The following DISP1 variants were observed in gnomAD, a reference collection of about 807,000 sequenced individuals.
DISP1 encodes the protein protein dispatched homolog 1.
DISP1 carries 30 observed loss-of-function variants against 37.3 expected under a neutral mutation model. The observed-to-expected ratio is 0.80, with a 90% CI of 0.60 to 1.09. The LOEUF (loss-of-function observed/expected upper bound fraction) is 1.09. Ranked by LOEUF, DISP1 falls within the 50% of genes least tolerant of loss-of-function variation. The pLI is 0.00. For synonymous variants in DISP1, 634 were observed against 690.2 expected (o/e 0.92, Z 1.28); for missense variants, 1,598 against 1,879.5 (o/e 0.85, Z 2.77).
intron 1 of DISP1, among the ~76,000 whole-genome samples, chr1:222,829,021 A>G (rs1166009834): frequency 6.6e-6 from 1 of 152,208 alleles, no homozygotes; most frequent in Non-Finnish European, 1.5e-5. Flanking sequence ...CTAGAAACTG[A>G]TGAAACTCTT....
intron 2 of DISP1, among the ~76,000 whole-genome samples, chr1:222,936,835 ATATATATCATATATATGATATATAATT>A (rs1310379036): frequency 6.2e-4 from 24 of 38,930 alleles, no homozygotes; most frequent in South Asian, 9.9e-4. Flanking sequence ...TATATAAATT[ATATATATCATATATATGATATATAATT>A]TATATATCAT....
chr1:222,906,346 C>T (rs1055641714), intron 1 of DISP1, among the ~76,000 whole-genome samples: 2 of 152,094 alleles, frequency 1.3e-5, no homozygotes, highest in Non-Finnish European at 2.9e-5. Context: ...AACAATTTAA[C>T]TTCTAAGGTG....
intron 1 of DISP1, among the ~76,000 whole-genome samples, chr1:222,856,098 A>C (rs1668534627): frequency 6.6e-6 from 1 of 152,212 alleles, no homozygotes; most frequent in Non-Finnish European, 1.5e-5. Flanking sequence ...TCAAATGGAA[A>C]AATTGAGAAC....
At chr1:222,992,860 C>T (rs911439490) in intron 7 of DISP1, among the ~76,000 whole-genome samples, 1 of 34,694 alleles carries the variant, frequency 2.9e-5, no homozygotes, top group African/African-American at 7.5e-5. Context: ...GTCAAAAACC[C>T]AGAATTTTTT....
Position 223,004,322 on chromosome 1 carries a change from C to T in DISP1, c.2925C>T (p.Asp975=), listed in dbSNP as rs760288803. 8.1e-6 allele frequency: 13 copies of T among 1,614,188 alleles called. No homozygotes were observed. Among genetic ancestry groups the T allele is most frequent in the Non-Finnish European group, 1.0e-5 (12 of 1,180,032 alleles). The change falls in exon 9 of 9, where the codon GAC becomes GAT. Residue 975 remains aspartate (D), a synonymous_variant. Coordinates refer to ENST00000675850, the MANE Select transcript of DISP1 (RefSeq NM_001377229.1). The surrounding 1 kb of genome is among the most constrained non-coding windows in gnomAD (Gnocchi z 4.9). The part of the protein sequence containing the change: ...GWFVSNLEFY[D]LQDSLSDGTL... Reference sequence around the variant, plus strand: ...TTGTCAGCAATCTGGAGTTCTATGACCTCCAGGATAGCCTCTCCGATGGCA... The same window carrying T: ...TTGTCAGCAATCTGGAGTTCTATGATCTCCAGGATAGCCTCTCCGATGGCA...
intron 1 of DISP1, among the ~76,000 whole-genome samples, chr1:222,822,543 A>G: frequency 6.6e-6 from 1 of 152,240 alleles, no homozygotes; most frequent in African/African-American, 2.4e-5. Context: ...TTAAAGATGT[A>G]ATTATATAAA....
At chr1:222,845,890 G>A (rs950661219) in intron 1 of DISP1, among the ~76,000 whole-genome samples, 17 of 152,068 alleles carry the variant, frequency 1.1e-4, no homozygotes, top group Non-Finnish European at 2.4e-4. Context: ...CAGTGAATCT[G>A]GATTTTTAGT....
intron 1 of DISP1, among the ~76,000 whole-genome samples, chr1:222,895,289 G>A (rs558201102): frequency 6.6e-6 from 1 of 152,302 alleles, no homozygotes; most frequent in Non-Finnish European, 1.5e-5. Context: ...GGCTCATTAG[G>A]AACCTTTTGT....
At chr1:222,993,748 T>C (rs1678865962) in intron 7 of DISP1, among the ~76,000 whole-genome samples, 1 of 152,234 alleles carries the variant, frequency 6.6e-6, no homozygotes, top group African/African-American at 2.4e-5. Context: ...CTGTTAGTTA[T>C]GATCTTAACC....
At chr1:222,945,736 A>T (rs921932458) in intron 3 of DISP1, 3 of 152,166 alleles carry the variant, frequency 2.0e-5, no homozygotes, top group African/African-American at 7.2e-5. Flanking sequence ...TGGTGGACTG[A>T]CTTGAGACTG....
intron 1 of DISP1, among the ~76,000 whole-genome samples, chr1:222,816,188 C>A (rs1322497549): frequency 6.6e-6 from 1 of 151,466 alleles, no homozygotes. Flanking sequence ...TTAGTTTTCC[C>A]CAGTGGCCAG....
At chr1:222,902,393 G>A (rs573280007) in intron 1 of DISP1, among the ~76,000 whole-genome samples, 231 of 152,168 alleles carry the variant, frequency 1.5e-3, no homozygotes, top group African/African-American at 5.3e-3. Flanking sequence ...CATAGGCATG[G>A]GCAAGGACTT....
At chr1:222,943,795 G>A (rs1380249362) in intron 3 of DISP1, among the ~76,000 whole-genome samples, 1 of 152,138 alleles carries the variant, frequency 6.6e-6, no homozygotes. Flanking sequence ...TTGGGAGGCC[G>A]AGGCAGGCGG....
Position 222,994,914 on chromosome 1 carries a change from T to G in DISP1, c.919T>G (p.Ser307Ala). The stretch of plus-strand genomic sequence containing the variant: ...CCGATATTCCAGAGTGGTATTTACT[T>G]CATCTGGAGGGGAGACATTATGGAA... ...SDRYSRVVFTSSGGETLWNLP... is the reference protein window; with the variant it reads ...SDRYSRVVFTASGGETLWNLP... Residue 307 changes from serine (S) to alanine (A), a missense_variant, in exon 8 of 9, where the codon TCA (serine) becomes GCA (alanine). By Grantham distance (99) the Ser-to-Ala change is moderately conservative (BLOSUM62 1). Coordinates refer to ENST00000675850, the MANE Select transcript of DISP1 (RefSeq NM_001377229.1). The G allele has an allele frequency of 3.1e-6, 5 of 1,612,868 alleles. No homozygotes were observed. The highest frequency in any genetic ancestry group is 4.2e-6 in the Non-Finnish European group (5 of 1,179,166).
intron 4 of DISP1, among the ~76,000 whole-genome samples, chr1:222,988,144 TGTC>T (rs1383763913): frequency 9.2e-5 from 14 of 152,246 alleles, no homozygotes; most frequent in African/African-American, 3.4e-4. Context: ...AAGGTTATTC[TGTC>T]ATTTTTCCTG....
chr1:222,991,955 T>G (rs989934833), intron 6 of DISP1, 58 bp from the exon 7 acceptor site: 1 of 1,355,494 alleles, frequency 7.4e-7, no homozygotes, highest in African/African-American at 1.4e-5. Context: ...TCCAGTATGC[T>G]TATCAGCTTT....
intron 1 of DISP1, among the ~76,000 whole-genome samples, chr1:222,904,207 T>C (rs1671771181): frequency 1.3e-5 from 2 of 152,244 alleles, no homozygotes; most frequent in Admixed American, 1.3e-4. Context: ...AGGTTTTTAA[T>C]GTATTTTACA....
At chr1:222,967,524 T>C (rs1046963994) in intron 3 of DISP1, among the ~76,000 whole-genome samples, 14 of 152,262 alleles carry the variant, frequency 9.2e-5, no homozygotes, top group African/African-American at 3.4e-4. Context: ...GCCAAGATTA[T>C]AGAAAGATTT....
At chr1:222,990,331 T>C (rs1333739905) in intron 4 of DISP1, among the ~76,000 whole-genome samples, 1 of 152,248 alleles carries the variant, frequency 6.6e-6, no homozygotes, top group Non-Finnish European at 1.5e-5. Flanking sequence ...AAAATGTTAC[T>C]TGTCATATAT....
Sources: allele counts gnomAD v4.1 joint callset (sites outside exome capture counted in the v4.1 genomes callset), GRCh38; gene constraint gnomAD v4.1.1; non-coding constraint Gnocchi (gnomAD v3.1); transcripts MANE v1.5; gene names NCBI Gene and HGNC (gene_info 2026-07-23, HGNC 2026-07-21).